PHB2: variants seen among roughly 807,000 people sequenced by gnomAD.
PHB2 encodes the protein prohibitin-2.
In PHB2, 22 loss-of-function variants were observed where a neutral mutation model predicts 46.4. The ratio of observed to expected loss-of-function variants is 0.47; its 90% confidence interval spans 0.34 to 0.68. The LOEUF is 0.68. Ranked by LOEUF, PHB2 falls within the 30% of genes least tolerant of loss-of-function variation. The pLI, the probability that PHB2 is intolerant of heterozygous loss-of-function variation, is 0.01. For missense variants in PHB2, 305 were observed against 382.8 expected (o/e 0.80, Z 1.70); for synonymous variants, 156 against 150.5 (o/e 1.04, Z -0.27).
At chr12:6,968,283 C>G (rs1946250919) in intron 4 of PHB2, 128 bp downstream of exon 4, 4 of 748,096 alleles carry the variant, frequency 5.3e-6, no homozygotes, top group Non-Finnish European at 8.8e-6. Flanking sequence ...TGGCAATTAG[C>G]ACAGCTTTTA....
Position 6,967,618 on chromosome 12 carries a change from G to T in PHB2, c.711+58C>A. The T allele has an allele frequency of 7.4e-7, 1 of 1,354,016 alleles. No homozygotes were observed. Among genetic ancestry groups the T allele is most frequent in the South Asian group, 1.2e-5 (1 of 85,876 alleles). The allele number at this position is 1,354,016 out of a possible 1,614,324, so 83.9% of individuals were successfully genotyped here. A position where few individuals can be genotyped will look rare whatever the true frequency, so the allele number is the denominator to read the frequency against. On this transcript the variant is annotated intron_variant, in intron 6 of 9. Transcript: ENST00000535923. The surrounding 1 kb of genome is among the most constrained non-coding windows in gnomAD (Gnocchi z 4.9). Reference sequence around the variant, plus strand: ...GTCTCATCAGCCTGCCCATGAAGGAGAATGGGGAACTCAGGTGCCCTAGGG... The same window carrying T: ...GTCTCATCAGCCTGCCCATGAAGGATAATGGGGAACTCAGGTGCCCTAGGG...
intron 1 of PHB2, 63 bp from the exon 2 acceptor site, chr12:6,970,343 A>C (rs1946300353): frequency 1.2e-6 from 2 of 1,603,840 alleles, no homozygotes; most frequent in Non-Finnish European, 1.7e-6. Context: ...AGGCCCGTGG[A>C]GGGGCGCGGG....
At position 6,967,610 on chromosome 12, in the gene PHB2, A is replaced by C; in HGVS notation, c.711+66T>G. The C allele has an allele frequency of 7.7e-7, 1 of 1,293,098 alleles. No individual in the cohort carries two copies. Among genetic ancestry groups the C allele is most frequent in the East Asian group, 2.3e-5 (1 of 43,348 alleles). 80.1% of individuals were successfully genotyped at this position (1,293,098 alleles called of 1,614,324 possible). The stretch of plus-strand genomic sequence containing the variant: ...TCGCCTTAGTCTCATCAGCCTGCCC[A>C]TGAAGGAGAATGGGGAACTCAGGTG... On this transcript the variant is annotated intron_variant, in intron 6 of 9. Coordinates refer to ENST00000535923, the MANE Select transcript of PHB2 (RefSeq NM_001144831.2). This position sits in a 1 kb window ranked among gnomAD's most constrained non-coding sequence, Gnocchi z 4.9.
Position 6,966,416 on chromosome 12 carries a change from T to C in PHB2, c.866+8A>G, listed in dbSNP as rs782600786. On this transcript the variant is annotated splice_region_variant and intron_variant, in intron 8 of 9. Transcript: ENST00000535923. ...GGTGATACCCCACAGTGTGGCCACA[T>C]CTCTCACCTGGTGAAACTTTCATCC... The C allele has an allele frequency of 5.1e-6, 8 of 1,565,498 alleles. No homozygotes were observed. In the South Asian group the frequency reaches 7.8e-5, roughly 15 times the overall value.
intron 8 of PHB2, 49 bp from the exon 9 acceptor site, chr12:6,965,965 A>G: frequency 7.5e-6 from 12 of 1,590,288 alleles, no homozygotes; most frequent in Non-Finnish European, 1.0e-5. Context: ...AGAGAAATGC[A>G]CATGTTAATT....
At chr12:6,966,280 A>G (rs1946210001) in intron 8 of PHB2, 144 bp downstream of exon 8, 4 of 649,108 alleles carry the variant, frequency 6.2e-6, no homozygotes, top group Middle Eastern at 4.0e-4. Context: ...GATGCAAGAT[A>G]GAAACTGTCA....
chr12:6,968,496 C>T lies in PHB2; in HGVS notation c.392G>A (p.Arg131Gln), dbSNP rs782039567. The T allele has an allele frequency of 3.7e-6, 6 of 1,613,410 alleles. No individual in the cohort carries two copies. Among genetic ancestry groups the T allele is most frequent in the South Asian group, 1.1e-5 (1 of 90,888 alleles). Residue 131 changes from arginine (R) to glutamine (Q), a missense_variant, in exon 4 of 10, where the codon CGA becomes CAA. This residue lies in a region of PHB2 where 241 missense variants were observed against 302.7 expected (regional missense o/e 0.80). Coordinates refer to ENST00000535923, the MANE Select transcript of PHB2 (RefSeq NM_001144831.2). ...CTCGTTGACAATGGACGGCAACACT[C>T]GTTCCTCGTAGTCCAGCCCTAGGCG... ...YQRLGLDYEE[R>Q]VLPSIVNEVL... is the part of the protein sequence containing the mutation.
intron 3 of PHB2, 53 bp downstream of exon 3, chr12:6,969,445 C>T (rs1234194886): frequency 2.0e-6 from 2 of 997,288 alleles, no homozygotes; most frequent in Admixed American, 4.0e-5. Flanking sequence ...GGTTTCTTGC[C>T]AGCTACCTTG....
At position 6,965,936 on chromosome 12, in the gene PHB2, G is replaced by A. The variant is rs1946205047; in HGVS notation, c.867-20C>T. ...CTTCCCCTGTGGTGCCAGATCGCCA[G>A]ATGAACAAGAAACAGAGAAGAGAAA... On this transcript the variant is annotated intron_variant, in intron 8 of 9. Transcript: ENST00000535923. 6.3e-7 allele frequency: 1 copy of A among 1,597,986 alleles called. No individual in the cohort carries two copies. Among genetic ancestry groups the A allele is most frequent in the African/African-American group, 1.3e-5 (1 of 75,008 alleles).
chr12:6,969,784 A>G (rs891490959), intron 2 of PHB2: 15 of 503,794 alleles, frequency 3.0e-5, no homozygotes, highest in Middle Eastern at 5.4e-4. Flanking sequence ...CTGTAATCCC[A>G]GCTACTCGTG....
rs781843546 is a variant in PHB2, at chr12:6,968,416, C to A, written c.472G>T (p.Ala158Ser). Residue 158 changes from alanine to serine, a missense_variant, in exon 4 of 10, where the codon GCC becomes TCC. By Grantham distance (99) the Ala-to-Ser change is moderately conservative. Coordinates refer to ENST00000535923, the MANE Select transcript of PHB2 (RefSeq NM_001144831.2). Reference sequence around the variant, plus strand: ...GATGGTGGTGGGAGTCAGACCTGGGCCCGCTGGGTGATCAGCTGTGAGGCA... The same window carrying A: ...GATGGTGGTGGGAGTCAGACCTGGGACCGCTGGGTGATCAGCTGTGAGGCA... ...FNASQLITQR[A>S]QVSLLIRREL... 3 of 1,605,500 alleles carry A rather than the reference C, an allele frequency of 1.9e-6. No homozygotes were observed. The highest frequency in any genetic ancestry group is 1.1e-5 in the South Asian group (1 of 89,912).
intron 3 of PHB2, among the ~76,000 whole-genome samples, chr12:6,969,110 C>A (rs1371924568): frequency 6.6e-6 from 1 of 151,890 alleles, no homozygotes; most frequent in Non-Finnish European, 1.5e-5. Context: ...TATGTATGGT[C>A]TAGAAGGAGA....
Position 6,970,484 on chromosome 12 carries a change from GC to G in PHB2, c.59del (p.Gly20AlafsTer4). 1.2e-6 allele frequency: 2 copies of G among 1,605,524 alleles called. No homozygotes were observed. Among genetic ancestry groups the G allele is most frequent in the Non-Finnish European group, 1.7e-6 (2 of 1,178,864 alleles). On this transcript the variant is annotated frameshift_variant, in exon 1 of 10. Transcript: ENST00000535923. LOFTEE classifies it high-confidence loss of function. ...GRLPAGPRGM[G>X]TALKLLLGAG... ...CCCCCAGCAACAGCTTCAGGGCCGT[GC>G]CCATGCCCCGGGGCCCGGCGGGCAG...
chr12:6,968,683 G>A, intron 3 of PHB2, 88 bp from the exon 4 acceptor site: 2 of 1,039,606 alleles, frequency 1.9e-6, no homozygotes, highest in Non-Finnish European at 2.9e-6. Context: ...TATGCCCTGT[G>A]CAATGGTGTA....
chr12:6,969,197 G>A (rs1671784925), intron 3 of PHB2, among the ~76,000 whole-genome samples: 1 of 152,038 alleles, frequency 6.6e-6, no homozygotes, highest in Admixed American at 6.6e-5. Flanking sequence ...TGTAGATATA[G>A]TAAGTCAAGC....
intron 3 of PHB2, among the ~76,000 whole-genome samples, chr12:6,969,049 T>G (rs1419003434): frequency 1.3e-5 from 2 of 152,084 alleles, no homozygotes; most frequent in African/African-American, 4.8e-5. Flanking sequence ...TGTATATGTG[T>G]GCGTGGGTGG....
rs1555151016 is a variant in PHB2 at position 6,967,465 on chromosome 12, C to T, written c.711+211G>A. The T allele has an allele frequency of 1.9e-6, 2 of 1,064,136 alleles. No individual in the cohort carries two copies. The highest frequency in any genetic ancestry group is 2.9e-6 in the Non-Finnish European group (2 of 690,166). 65.9% of individuals were successfully genotyped at this position (1,064,136 alleles called of 1,614,324 possible). A position where few individuals can be genotyped will look rare whatever the true frequency, so the allele number is the denominator to read the frequency against. ...AGAAATGAAGGCAAGGCCACCAATG[C>T]TATTGATCTGGCCTTACAGTGGGGA... On this transcript the variant is annotated intron_variant, in intron 6 of 9. Coordinates refer to ENST00000535923, the MANE Select transcript of PHB2 (RefSeq NM_001144831.2). The surrounding 1 kb of genome is among the most constrained non-coding windows in gnomAD (Gnocchi z 4.9).
rs781852511 is a variant in PHB2, at chr12:6,970,180, C to G, written c.212+16G>C. On this transcript the variant is annotated intron_variant, in intron 2 of 9. Coordinates refer to ENST00000535923, the MANE Select transcript of PHB2 (RefSeq NM_001144831.2). ...AGGGTGAAAGGTCAGGGTCAGCAGG[C>G]TCTGCCCGCCATTACCTGAAGTGAA... 8.1e-6 allele frequency: 13 copies of G among 1,598,008 alleles called. No individual in the cohort carries two copies. In the African/African-American group the frequency reaches 1.5e-4, roughly 18 times the overall value.
In PHB2 at chr12:6,968,661, T is replaced by C. The variant is rs782736582; in HGVS notation, c.293-66A>G. 4.8e-6 allele frequency: 6 copies of C among 1,251,976 alleles called. No individual in the cohort carries two copies. In the African/African-American group the frequency reaches 8.8e-5, roughly 18 times the overall value. 77.6% of individuals were successfully genotyped at this position (1,251,976 alleles called of 1,614,324 possible). A position where few individuals can be genotyped will look rare whatever the true frequency, so the allele number is the denominator to read the frequency against. ...CCTTTCCCAAGCATTTTCTCCTTCA[T>C]GTTCCTCCCTGTATGCCCTGTGCAA... On this transcript the variant is annotated intron_variant, in intron 3 of 9. Coordinates refer to ENST00000535923, the MANE Select transcript of PHB2 (RefSeq NM_001144831.2).
Sources: gnomAD v4.1 joint callset for allele counts (sites outside exome capture counted in the v4.1 genomes callset) on GRCh38, gnomAD v4.1.1 for gene constraint, gnomAD v4.1.1 regional missense constraint, Gnocchi (gnomAD v3.1) non-coding constraint, MANE v1.5 for transcripts, NCBI Gene and HGNC (gene_info 2026-07-23, HGNC 2026-07-21) for gene names.